The following LARGE1 variants were observed in gnomAD, a reference collection of about 807,000 sequenced individuals.
The protein encoded by LARGE1 is xylosyl- and glucuronyltransferase LARGE1.
LARGE1 carries 43 observed loss-of-function variants against 87.6 expected under a neutral mutation model. The ratio of observed to expected loss-of-function variants is 0.49; its 90% confidence interval spans 0.38 to 0.63. The LOEUF (loss-of-function observed/expected upper bound fraction) is 0.63, where lower values mean the gene tolerates loss of function less well. Among genes scored for constraint, LARGE1 ranks in the 30% least tolerant of loss-of-function variants. The pLI is 0.00. For missense variants in LARGE1, 802 were observed against 1,000.2 expected, an observed-to-expected ratio of 0.80 and a Z score of 2.67; for synonymous variants, 434 against 394.6, an observed-to-expected ratio of 1.10 and a Z score of -1.18.
intron 1 of LARGE1, among the ~76,000 whole-genome samples, chr22:33,894,423 C>A (rs537226928): frequency 6.6e-6 from 1 of 152,234 alleles, no homozygotes; most frequent in South Asian, 2.1e-4. Context: ...GGTGGCTACC[C>A]CAGTTGCAAC....
At chr22:33,660,983 T>C (rs778831693) in intron 2 of LARGE1, among the ~76,000 whole-genome samples, 3 of 152,150 alleles carry the variant, frequency 2.0e-5, no homozygotes, top group Non-Finnish European at 2.9e-5. Context: ...AGAATCATAT[T>C]TTACAGTAAA....
chr22:33,763,998 C>T (rs904953465), intron 1 of LARGE1, among the ~76,000 whole-genome samples: 4 of 151,608 alleles, frequency 2.6e-5, no homozygotes, highest in East Asian at 2.0e-4. Context: ...TACAGGCACA[C>T]GCCACCACGT....
chr22:33,066,998 G>C, the LARGE1 span, among the ~76,000 whole-genome samples: 1 of 151,988 alleles, frequency 6.6e-6, no homozygotes, highest in African/African-American at 2.4e-5. Flanking sequence ...CCAGCTGACT[G>C]GCCTTTCTTC....
chr22:33,704,529 G>A (rs1292692458), intron 2 of LARGE1, among the ~76,000 whole-genome samples: 1 of 152,024 alleles, frequency 6.6e-6, no homozygotes, highest in Non-Finnish European at 1.5e-5. Context: ...TCATCTGCCG[G>A]GAGCCTCTCG....
At chr22:33,109,665 T>C in the LARGE1 span, among the ~76,000 whole-genome samples, 11 of 152,226 alleles carry the variant, frequency 7.2e-5, no homozygotes, top group Non-Finnish European at 1.6e-4. Context: ...AAATCTCATG[T>C]TGAAATGTGA....
At chr22:33,458,304 CTG>C (rs2068224819) in intron 6 of LARGE1, among the ~76,000 whole-genome samples, 1 of 152,120 alleles carries the variant, frequency 6.6e-6, no homozygotes, top group Non-Finnish European at 1.5e-5. Flanking sequence ...CGGGGTTTCA[CTG>C]TGTCAGCCAG....
intron 2 of LARGE1, among the ~76,000 whole-genome samples, chr22:33,675,498 G>A (rs796839338): frequency 1.4e-4 from 21 of 151,980 alleles, no homozygotes; most frequent in African/African-American, 5.1e-4. Flanking sequence ...AAAGCCGTGG[G>A]GTAGGAAAGA....
rs1364449519 is a variant in LARGE1 at position 33,864,704 on chromosome 22, ACAG to A, written c.-83+55288_-83+55290del. Among the ~76,000 whole-genome samples, 5 of 152,292 alleles carry A rather than the reference ACAG, an allele frequency of 3.3e-5. No homozygotes were observed. In the East Asian group the frequency reaches 9.7e-4, roughly 29 times the overall value. ...GTCAGGGCTGCATCACTGCCTTGAGACAGCAGCAGAAGACATATAGATTTAAGT... is the reference window on the plus strand; with the variant it reads ...GTCAGGGCTGCATCACTGCCTTGAGACAGCAGAAGACATATAGATTTAAGT... On this transcript the variant is annotated intron_variant, in intron 1 of 14. Transcript: ENST00000397394.
At chr22:33,668,112 T>C (rs2081316200) in intron 2 of LARGE1, among the ~76,000 whole-genome samples, 1 of 152,264 alleles carries the variant, frequency 6.6e-6, no homozygotes, top group East Asian at 1.9e-4. Flanking sequence ...GAAACATTCC[T>C]TCCTGCACTC....
At chr22:33,401,013 G>A (rs533753932) in intron 7 of LARGE1, among the ~76,000 whole-genome samples, 12 of 152,204 alleles carry the variant, frequency 7.9e-5, no homozygotes, top group Admixed American at 5.2e-4. Flanking sequence ...GTTCCTGATC[G>A]GAAGCTTTGG....
chr22:33,733,636 C>T (rs1473532877), intron 2 of LARGE1: 1 of 152,204 alleles, frequency 6.6e-6, no homozygotes, highest in Non-Finnish European at 1.5e-5. Flanking sequence ...ACCCATCCAT[C>T]CATCTATCCA....
chr22:33,534,222 G>A (rs2076978129), intron 6 of LARGE1, among the ~76,000 whole-genome samples: 1 of 151,950 alleles, frequency 6.6e-6, no homozygotes, highest in Non-Finnish European at 1.5e-5. Context: ...GGCCAGCACG[G>A]TGAAACCCTG....
intron 1 of LARGE1, among the ~76,000 whole-genome samples, chr22:33,846,330 A>G (rs1359217328): frequency 6.6e-6 from 1 of 152,202 alleles, no homozygotes; most frequent in Non-Finnish European, 1.5e-5. Context: ...TTTCTTGGAC[A>G]CTTATCACTT....
chr22:33,632,344 G>A (rs2080137425), intron 3 of LARGE1, among the ~76,000 whole-genome samples: 2 of 152,120 alleles, frequency 1.3e-5, no homozygotes, highest in Non-Finnish European at 2.9e-5. Flanking sequence ...AGCTGGTCTT[G>A]AACTCCTGGC....
intron 1 of LARGE1, among the ~76,000 whole-genome samples, chr22:33,786,807 G>A (rs1419730392): frequency 1.3e-5 from 2 of 152,134 alleles, no homozygotes; most frequent in Admixed American, 6.5e-5. Context: ...GGATCACCAG[G>A]TCAGGAGTTC....
At chr22:33,266,732 C>T (rs1927965424) in intron 11 of LARGE1, among the ~76,000 whole-genome samples, 2 of 151,662 alleles carry the variant, frequency 1.3e-5, no homozygotes, top group Non-Finnish European at 2.9e-5. Flanking sequence ...CTACGTATGA[C>T]GGGTTTGGGA....
In LARGE1 at chr22:33,773,563, C is replaced by T. The variant is rs540925265; in HGVS notation, c.-82-12005G>A. Among the ~76,000 whole-genome samples the T allele has an allele frequency of 7.2e-5, 11 of 152,320 alleles. No individual in the cohort carries two copies. The East Asian group carries it at 1.9e-3, about 27-fold the overall frequency. The stretch of plus-strand genomic sequence containing the variant: ...CAGTCAAGACACATTAGTTGTCACC[C>T]GAATTGTGCCCATCTTGTCTCTGTT... On this transcript the variant is annotated intron_variant, in intron 1 of 14. Transcript: ENST00000397394.
chr22:33,156,183 A>G, the LARGE1 span, among the ~76,000 whole-genome samples: 137 of 152,272 alleles, frequency 9.0e-4, no homozygotes, highest in Non-Finnish European at 1.6e-3. Context: ...CAGAGTCCCT[A>G]TTGGGGCACT....
At chr22:33,906,225 C>T (rs908658378) in intron 1 of LARGE1, among the ~76,000 whole-genome samples, 1 of 152,132 alleles carries the variant, frequency 6.6e-6, no homozygotes, top group Admixed American at 6.5e-5. Context: ...GTGGACCAGA[C>T]AGGGATCATC....
Sources: allele counts gnomAD v4.1 joint callset (sites outside exome capture counted in the v4.1 genomes callset), GRCh38; gene constraint gnomAD v4.1.1; transcripts MANE v1.5; gene names NCBI Gene and HGNC (gene_info 2026-07-23, HGNC 2026-07-21).